Variants in TLX3 observed in about 807,000 individuals in gnomAD.
TLX3 encodes T cell leukemia homeobox 3.
Under a neutral mutation model 19.6 loss-of-function variants are expected in TLX3, and 11 were observed. The observed-to-expected ratio is 0.56, with a 90% CI of 0.35 to 0.93. The LOEUF (loss-of-function observed/expected upper bound fraction) is 0.93. TLX3 is among the 40% of genes least tolerant of loss of function. The pLI is 0.01. For missense variants in TLX3, 375 were observed against 418.6 expected (o/e 0.90, Z 0.91); for synonymous variants, 221 against 188.1 (o/e 1.17, Z -1.43).
At position 171,311,152 on chromosome 5, in the gene TLX3, G is replaced by T. The variant is rs1486264624; in HGVS notation, c.666-237G>T. On this transcript the variant is annotated intron_variant, in intron 2 of 2. Coordinates refer to ENST00000296921, the MANE Select transcript of TLX3 (RefSeq NM_021025.4). This position sits in a 1 kb window ranked among gnomAD's most constrained non-coding sequence, Gnocchi z 5.1. Reference sequence around the variant, plus strand: ...GAAGCCACAATACCCGGGCGTGCAGGTGGGCGGCGGGCAGAGTCCCCTCCT... The same window carrying T: ...GAAGCCACAATACCCGGGCGTGCAGTTGGGCGGCGGGCAGAGTCCCCTCCT... Among the ~76,000 whole-genome samples the T allele has an allele frequency of 6.6e-6, 1 of 152,218 alleles. No individual in the cohort carries two copies. The highest frequency in any genetic ancestry group is 6.5e-5 in the Admixed American group (1 of 15,292).
rs1004651656 is a variant in TLX3, at chr5:171,309,844, G to A, written c.421+58G>A. 6.7e-6 allele frequency: 10 copies of A among 1,483,390 alleles called. No homozygotes were observed. The African/African-American group carries it at 1.4e-4, about 21-fold the overall frequency. 91.9% of individuals were successfully genotyped at this position (1,483,390 alleles called of 1,614,324 possible). A position where few individuals can be genotyped will look rare whatever the true frequency, so the allele number is the denominator to read the frequency against. On this transcript the variant is annotated intron_variant, in intron 1 of 2. Coordinates refer to ENST00000296921, the MANE Select transcript of TLX3 (RefSeq NM_021025.4). ...CCGCCCTCTCGGGGCCAGAGGCGCC[G>A]CGCCCTGTGCGCTCCACTCCCGGAA...
In TLX3 at chr5:171,311,754, C is replaced by T. The variant is rs1769227209; in HGVS notation, c.*155C>T. On this transcript the variant is annotated 3_prime_UTR_variant, in exon 3 of 3. Coordinates refer to ENST00000296921, the MANE Select transcript of TLX3 (RefSeq NM_021025.4). This position sits in a 1 kb window ranked among gnomAD's most constrained non-coding sequence, Gnocchi z 5.1. ...GGCGCGGCCACAGACTGGCGGGCCGCGGAAGGGGGTAGGGCCCGAGCTCCG... is the reference window on the plus strand; with the variant it reads ...GGCGCGGCCACAGACTGGCGGGCCGTGGAAGGGGGTAGGGCCCGAGCTCCG... The T allele has an allele frequency of 3.8e-6, 2 of 523,702 alleles. No individual in the cohort carries two copies. Among genetic ancestry groups the T allele is most frequent in the Non-Finnish European group, 6.5e-6 (2 of 308,076 alleles). The allele number at this position is 523,702 out of a possible 1,614,324, so 32.4% of individuals were successfully genotyped here.
rs751151648 is a variant in TLX3 at position 171,309,551 on chromosome 5, C to T, written c.186C>T (p.Ser62=). 3 of 1,579,556 alleles carry T rather than the reference C, an allele frequency of 1.9e-6. No individual in the cohort carries two copies. The highest frequency in any genetic ancestry group is 2.3e-5 in the East Asian group (1 of 43,068). The change falls in exon 1 of 3, where the codon TCC becomes TCT. Residue 62 remains serine (S), a synonymous_variant. Transcript: ENST00000296921. ...CCACATACCCGTCTCTGCCCGCCTC[C>T]TTTGCGGGCCTCGGCGCGCCCTTCG... The part of the protein sequence containing the change: ...PGATYPSLPA[S]FAGLGAPFED...
At position 171,309,324 on chromosome 5, in the gene TLX3, G is replaced by A. The variant is rs376460561; in HGVS notation, c.-42G>A. ...GCCGCGCCGTAACGGGGACCCAGCC[G>A]CCTCCCCGCCCAGCCCAGCCCAGCC... is the stretch of plus-strand genomic sequence containing the variant. On this transcript the variant is annotated 5_prime_UTR_variant, in exon 1 of 3. Transcript: ENST00000296921. The A allele has an allele frequency of 1.6e-6, 2 of 1,259,510 alleles. No individual in the cohort carries two copies. Among genetic ancestry groups the A allele is most frequent in the Middle Eastern group, 2.8e-4 (1 of 3,588 alleles). The allele number at this position is 1,259,510 out of a possible 1,614,324, so 78.0% of individuals were successfully genotyped here.
At position 171,311,646 on chromosome 5, in the gene TLX3, C is replaced by G. The variant is rs1425313904; in HGVS notation, c.*47C>G. ...CCACGGATCGCCGCCCCCACCCAGCCGGGCGCCCCGGACCCCCCAGGCGGG... is the reference window on the plus strand; with the variant it reads ...CCACGGATCGCCGCCCCCACCCAGCGGGGCGCCCCGGACCCCCCAGGCGGG... On this transcript the variant is annotated 3_prime_UTR_variant, in exon 3 of 3. Coordinates refer to ENST00000296921, the MANE Select transcript of TLX3 (RefSeq NM_021025.4). The surrounding 1 kb of genome is among the most constrained non-coding windows in gnomAD (Gnocchi z 5.1). 6.8e-7 allele frequency: 1 copy of G among 1,473,342 alleles called. No individual in the cohort carries two copies. Among genetic ancestry groups the G allele is most frequent in the Non-Finnish European group, 9.3e-7 (1 of 1,078,886 alleles). 91.3% of individuals were successfully genotyped at this position (1,473,342 alleles called of 1,614,324 possible).
In TLX3 at chr5:171,309,882, G is replaced by A. The variant is rs1404238574; in HGVS notation, c.421+96G>A. 7.0e-6 allele frequency: 10 copies of A among 1,425,722 alleles called. No individual in the cohort carries two copies. The Admixed American group carries it at 1.7e-4, about 24-fold the overall frequency. 88.3% of individuals were successfully genotyped at this position (1,425,722 alleles called of 1,614,324 possible). On this transcript the variant is annotated intron_variant, in intron 1 of 2. Coordinates refer to ENST00000296921, the MANE Select transcript of TLX3 (RefSeq NM_021025.4). ...TCCACTCCCGGAAACCATTTCAGAG[G>A]CCCAAGCGCGGCGGAGGCCTCGGCC...
intron 1 of TLX3, among the ~76,000 whole-genome samples, 160 bp from the exon 2 acceptor site, chr5:171,309,990 G>A (rs1340988627): frequency 6.6e-6 from 1 of 152,260 alleles, no homozygotes; most frequent in Admixed American, 6.5e-5. Context: ...AGGGACAGGG[G>A]GCGAGGGGGT....
chr5:171,310,087 G>T (rs931749025), intron 1 of TLX3, 63 bp from the exon 2 acceptor site: 32 of 1,500,772 alleles, frequency 2.1e-5, no homozygotes, highest in African/African-American at 1.3e-4. Context: ...CACGGGGTCC[G>T]CATGGGGCCT....
Position 171,311,793 on chromosome 5 carries a change from T to G in TLX3, c.*194T>G. Reference sequence around the variant, plus strand: ...GCCCGAGCTCCGCGCGGCCGCACAATCCGAGCCCCCGCCCCGCGCCCCGTC... The same window carrying G: ...GCCCGAGCTCCGCGCGGCCGCACAAGCCGAGCCCCCGCCCCGCGCCCCGTC... On this transcript the variant is annotated 3_prime_UTR_variant, in exon 3 of 3. Transcript: ENST00000296921. The surrounding 1 kb of genome is among the most constrained non-coding windows in gnomAD (Gnocchi z 5.1). The G allele has an allele frequency of 2.5e-6, 1 of 393,000 alleles. No individual in the cohort carries two copies. Among genetic ancestry groups the G allele is most frequent in the Non-Finnish European group, 4.4e-6 (1 of 224,918 alleles). The allele number at this position is 393,000 out of a possible 1,614,324, so 24.3% of individuals were successfully genotyped here.
chr5:171,310,035 C>T (rs1171608425), intron 1 of TLX3, 115 bp from the exon 2 acceptor site: 10 of 1,428,854 alleles, frequency 7.0e-6, no homozygotes, highest in African/African-American at 1.4e-5. Context: ...GAAACGCGCG[C>T]GACCAGCGAA....
chr5:171,309,392 C>T lies in TLX3; in HGVS notation c.27C>T (p.Thr9=). The change falls in exon 1 of 3, where the codon ACC becomes ACT. Residue 9 remains threonine (T), a synonymous_variant. Coordinates refer to ENST00000296921, the MANE Select transcript of TLX3 (RefSeq NM_021025.4). MEAPASAQ[T]PHPHEPISFG... The stretch of plus-strand genomic sequence containing the variant: ...TGGAGGCGCCCGCCAGCGCGCAGAC[C>T]CCGCACCCGCACGAGCCCATCAGCT... 6.2e-7 allele frequency: 1 copy of T among 1,604,014 alleles called. No individual in the cohort carries two copies. Among genetic ancestry groups the T allele is most frequent in the Non-Finnish European group, 8.5e-7 (1 of 1,176,564 alleles).
Position 171,311,701 on chromosome 5 carries a change from G to A in TLX3, c.*102G>A, listed in dbSNP as rs942267394. 3.3e-6 allele frequency: 3 copies of A among 914,916 alleles called. No individual in the cohort carries two copies. Among genetic ancestry groups the A allele is most frequent in the Middle Eastern group, 7.1e-4 (2 of 2,834 alleles). The allele number at this position is 914,916 out of a possible 1,614,324, so 56.7% of individuals were successfully genotyped here. A position where few individuals can be genotyped will look rare whatever the true frequency, so the allele number is the denominator to read the frequency against. Reference sequence around the variant, plus strand: ...GGGGGAACCGGCGCCGAGAGGGGAAGGGGCCGCCTAGCCCGAGTAGGCCCC... The same window carrying A: ...GGGGGAACCGGCGCCGAGAGGGGAAAGGGCCGCCTAGCCCGAGTAGGCCCC... On this transcript the variant is annotated 3_prime_UTR_variant, in exon 3 of 3. Coordinates refer to ENST00000296921, the MANE Select transcript of TLX3 (RefSeq NM_021025.4). This position sits in a 1 kb window ranked among gnomAD's most constrained non-coding sequence, Gnocchi z 5.1.
rs925468581 is a variant in TLX3, at chr5:171,312,010, C to A, written c.*411C>A. Reference sequence around the variant, plus strand: ...CGGGGGCCGCTGGAGGAAGGGCAGCCGACCCGGCCGCTGGGGGAAGTGCCA... The same window carrying A: ...CGGGGGCCGCTGGAGGAAGGGCAGCAGACCCGGCCGCTGGGGGAAGTGCCA... On this transcript the variant is annotated 3_prime_UTR_variant, in exon 3 of 3. Coordinates refer to ENST00000296921, the MANE Select transcript of TLX3 (RefSeq NM_021025.4). The A allele has an allele frequency of 2.4e-4, 46 of 193,818 alleles. 1 individual carries two copies. In the East Asian group the frequency reaches 3.6e-3, roughly 15 times the overall value. 12.0% of individuals were successfully genotyped at this position (193,818 alleles called of 1,614,324 possible). A position where few individuals can be genotyped will look rare whatever the true frequency, so the allele number is the denominator to read the frequency against.
rs1769217141 is a variant in TLX3 at position 171,311,336 on chromosome 5, C to T, written c.666-53C>T. On this transcript the variant is annotated intron_variant, in intron 2 of 2. Transcript: ENST00000296921. This position sits in a 1 kb window ranked among gnomAD's most constrained non-coding sequence, Gnocchi z 5.1. ...GGGAGGGCCGGGGCCCCGCCGGCGG[C>T]CCCGCGGTGCCGGGTGCATGACGGT... The T allele has an allele frequency of 3.4e-6, 5 of 1,491,970 alleles. No homozygotes were observed. The highest frequency in any genetic ancestry group is 3.6e-6 in the Non-Finnish European group (4 of 1,114,900). The allele number at this position is 1,491,970 out of a possible 1,614,324, so 92.4% of individuals were successfully genotyped here.
Position 171,311,279 on chromosome 5 carries a change from C to T in TLX3, c.666-110C>T. The T allele has an allele frequency of 1.1e-6, 1 of 903,806 alleles. No homozygotes were observed. Among genetic ancestry groups the T allele is most frequent in the Admixed American group, 2.8e-5 (1 of 35,438 alleles). 56.0% of individuals were successfully genotyped at this position (903,806 alleles called of 1,614,324 possible). On this transcript the variant is annotated intron_variant, in intron 2 of 2. Coordinates refer to ENST00000296921, the MANE Select transcript of TLX3 (RefSeq NM_021025.4). The surrounding 1 kb of genome is among the most constrained non-coding windows in gnomAD (Gnocchi z 5.1). ...CGGGCTGGGAGGCAGACGGGTTCTG[C>T]GCCTCGAGGCTCCCGGATGGCCTCG...
At chr5:171,310,087 G>A (rs931749025) in intron 1 of TLX3, 63 bp from the exon 2 acceptor site, 5 of 1,500,890 alleles carry the variant, frequency 3.3e-6, no homozygotes, top group Non-Finnish European at 3.6e-6. Flanking sequence ...CACGGGGTCC[G>A]CATGGGGCCT....
Position 171,309,378 on chromosome 5 carries a change from G to A in TLX3, c.13G>A (p.Ala5Thr), listed in dbSNP as rs761608057. The change falls in exon 1 of 3, where the codon GCC becomes ACC. Residue 5 changes from alanine (A) to threonine (T), a missense_variant. Transcript: ENST00000296921. ...CCGCCCGCCCAGGATGGAGGCGCCCGCCAGCGCGCAGACCCCGCACCCGCA... is the reference window on the plus strand; with the variant it reads ...CCGCCCGCCCAGGATGGAGGCGCCCACCAGCGCGCAGACCCCGCACCCGCA... MEAPASAQTPHPHEP... is the reference protein window; with the variant it reads MEAPTSAQTPHPHEP... 3 of 1,175,208 alleles carry A rather than the reference G, an allele frequency of 2.6e-6. No homozygotes were observed. Among genetic ancestry groups the A allele is most frequent in the South Asian group, 1.2e-5 (1 of 82,864 alleles). The allele number at this position is 1,175,208 out of a possible 1,614,324, so 72.8% of individuals were successfully genotyped here.
At chr5:171,310,881 G>T (rs537935359) in intron 2 of TLX3, among the ~76,000 whole-genome samples, 1 of 151,916 alleles carries the variant, frequency 6.6e-6, no homozygotes, top group Non-Finnish European at 1.5e-5. Context: ...TTCCAGCCGC[G>T]TTTTTATCCG....
In TLX3 at chr5:171,309,277, G is replaced by C; in HGVS notation, c.-89G>C. 1 of 1,156,442 alleles carries C rather than the reference G, an allele frequency of 8.6e-7. No homozygotes were observed. The highest frequency in any genetic ancestry group is 1.2e-6 in the Non-Finnish European group (1 of 860,814). 71.6% of individuals were successfully genotyped at this position (1,156,442 alleles called of 1,614,324 possible). On this transcript the variant is annotated 5_prime_UTR_variant, in exon 1 of 3. Transcript: ENST00000296921. ...ACTCTTGGCAAAGTTTCAGTGCGAC[G>C]AGAGGCGCCGGGCGCTCCATGGCCG...
Sources: allele counts gnomAD v4.1 joint callset (sites outside exome capture counted in the v4.1 genomes callset), GRCh38; gene constraint gnomAD v4.1.1; non-coding constraint Gnocchi (gnomAD v3.1); transcripts MANE v1.5; gene names NCBI Gene and HGNC (gene_info 2026-07-23, HGNC 2026-07-21).